Variants in FAM83B observed in about 807,000 individuals in gnomAD.
FAM83B encodes the protein scaffolding CK1 anchoring protein B.
In FAM83B, 26 loss-of-function variants were observed where a neutral mutation model predicts 38.8. The observed-to-expected ratio is 0.67, with a 90% CI of 0.49 to 0.93. The LOEUF (loss-of-function observed/expected upper bound fraction) is 0.93. Ranked by LOEUF, FAM83B falls within the 40% of genes least tolerant of loss-of-function variation. FAM83B has a pLI of 0.00. For missense variants in FAM83B, 1,237 were observed against 1,197.3 expected, an observed-to-expected ratio of 1.03 and a Z score of -0.49; for synonymous variants, 419 against 423.1, an observed-to-expected ratio of 0.99 and a Z score of 0.12.
At chr6:54,848,711 T>A (rs943124635) in intron 1 of FAM83B, among the ~76,000 whole-genome samples, 1 of 152,200 alleles carries the variant, frequency 6.6e-6, no homozygotes, top group African/African-American at 2.4e-5. Flanking sequence ...TTAATTACAT[T>A]ATACAATACT....
At chr6:54,883,126 A>G (rs560547463) in intron 2 of FAM83B, among the ~76,000 whole-genome samples, 2 of 151,842 alleles carry the variant, frequency 1.3e-5, no homozygotes, top group Admixed American at 6.6e-5. Flanking sequence ...TTGTATTTTT[A>G]GTAGAGACTG....
chr6:54,921,186 C>T (rs548653989), intron 2 of FAM83B, among the ~76,000 whole-genome samples: 17 of 151,868 alleles, frequency 1.1e-4, no homozygotes, highest in African/African-American at 4.1e-4. Flanking sequence ...TACTGTATTC[C>T]CCCCTTTACA....
chr6:54,880,719 A>C (rs1469847389), intron 2 of FAM83B, among the ~76,000 whole-genome samples: 4 of 152,292 alleles, frequency 2.6e-5, no homozygotes, highest in Admixed American at 2.6e-4. Context: ...CTGGGATTAA[A>C]GGTGTGAGCC....
At chr6:54,847,914 T>A (rs1484740694) in intron 1 of FAM83B, among the ~76,000 whole-genome samples, 2 of 152,070 alleles carry the variant, frequency 1.3e-5, no homozygotes, top group African/African-American at 2.4e-5. Flanking sequence ...ATGTCCAAAT[T>A]CCCAGTTACA....
At chr6:54,879,335 T>TC (rs1772071507) in intron 2 of FAM83B, among the ~76,000 whole-genome samples, 1 of 152,146 alleles carries the variant, frequency 6.6e-6, no homozygotes, top group African/African-American at 2.4e-5. Context: ...CATGACGGAT[T>TC]AGATGCTGTC....
intron 2 of FAM83B, among the ~76,000 whole-genome samples, chr6:54,895,243 T>C (rs1445670455): frequency 1.3e-5 from 2 of 152,198 alleles, no homozygotes; most frequent in African/African-American, 4.8e-5. Context: ...ATGATTACTA[T>C]TGAGTATGAA....
intron 1 of FAM83B, among the ~76,000 whole-genome samples, chr6:54,855,222 A>G (rs1771419775): frequency 6.6e-6 from 1 of 152,216 alleles, no homozygotes; most frequent in Non-Finnish European, 1.5e-5. Context: ...TTAGTAATTG[A>G]TGGATTAAAG....
In FAM83B at chr6:54,941,340, C is replaced by T; in HGVS notation, c.2369C>T (p.Ser790Phe). The T allele has an allele frequency of 1.2e-6, 2 of 1,612,796 alleles. No homozygotes were observed. The highest frequency in any genetic ancestry group is 1.7e-6 in the Non-Finnish European group (2 of 1,179,716). ...ACCCCAGATAAGAAAGAAAATCTAT[C>T]CAAAAATAAAGCACCTGCCTTTTAT... ...SLTPDKKENL[S>F]KNKAPAFYRL... is the part of the protein sequence containing the mutation. The change falls in exon 5 of 5, where the codon TCC becomes TTC. Residue 790 changes from serine (S) to phenylalanine (F), a missense_variant. Ser to Phe is a radical substitution (Grantham distance 155, BLOSUM62 -2). Transcript: ENST00000306858.
chr6:54,917,626 A>G (rs564210634), intron 2 of FAM83B, among the ~76,000 whole-genome samples: 1 of 152,234 alleles, frequency 6.6e-6, no homozygotes, highest in East Asian at 1.9e-4. Context: ...TCTTGGTTCA[A>G]ATTAATAATC....
intron 2 of FAM83B, among the ~76,000 whole-genome samples, chr6:54,891,691 C>T (rs1772406444): frequency 6.6e-6 from 1 of 152,140 alleles, no homozygotes; most frequent in African/African-American, 2.4e-5. Context: ...TTCTCATCCT[C>T]TCTCTCTGTT....
intron 2 of FAM83B, among the ~76,000 whole-genome samples, chr6:54,912,690 C>T (rs141249333): frequency 0.012 from 1,755 of 152,008 alleles, 15 homozygotes; most frequent in Middle Eastern, 0.024. Flanking sequence ...TAAAGTTGTT[C>T]AGTTTAGCCT....
chr6:54,910,144 A>G (rs543729489), intron 2 of FAM83B, among the ~76,000 whole-genome samples: 5 of 152,194 alleles, frequency 3.3e-5, no homozygotes, highest in Admixed American at 6.5e-5. Context: ...CCAGCTCACA[A>G]TGAGTTTCCA....
At position 54,940,692 on chromosome 6, in the gene FAM83B, G is replaced by T. The variant is rs757231973; in HGVS notation, c.1721G>T (p.Ser574Ile). 1 of 1,614,046 alleles carries T rather than the reference G, an allele frequency of 6.2e-7. No individual in the cohort carries two copies. Among genetic ancestry groups the T allele is most frequent in the Non-Finnish European group, 8.5e-7 (1 of 1,180,010 alleles). Residue 574 changes from serine to isoleucine, a missense_variant, in exon 5 of 5, where the codon AGT becomes ATT. Physicochemically the swap from Ser to Ile is moderately radical, Grantham distance 142 (BLOSUM62 -2). Transcript: ENST00000306858. ...SNSTIIGSQGSETPKEVPDTP... is the reference protein window; with the variant it reads ...SNSTIIGSQGIETPKEVPDTP... ...TCAACTATCATTGGTTCTCAGGGAA[G>T]TGAGACACCTAAAGAGGTCCCAGAC...
intron 2 of FAM83B, among the ~76,000 whole-genome samples, chr6:54,911,161 G>GTGTGTGT (rs1191687498): frequency 6.6e-6 from 1 of 151,486 alleles, no homozygotes; most frequent in Non-Finnish European, 1.5e-5. Context: ...GTGTGTGTGT[G>GTGTGTGT]TGTGTATGTG....
At chr6:54,900,764 A>G (rs541654307) in intron 2 of FAM83B, among the ~76,000 whole-genome samples, 5 of 152,320 alleles carry the variant, frequency 3.3e-5, no homozygotes, top group Admixed American at 2.0e-4. Flanking sequence ...GGTATGCCTC[A>G]AATAAGTTCC....
At chr6:54,851,714 C>G (rs549817292) in intron 1 of FAM83B, among the ~76,000 whole-genome samples, 1 of 133,948 alleles carries the variant, frequency 7.5e-6, no homozygotes, top group Admixed American at 7.6e-5. Flanking sequence ...GTGGCGAGAT[C>G]TGGGCTCACT....
upstream of FAM83B, among the ~76,000 whole-genome samples, chr6:54,846,344 C>A (rs960994624): frequency 1.3e-5 from 2 of 152,132 alleles, no homozygotes; most frequent in African/African-American, 4.8e-5. Context: ...CATTCTTGAG[C>A]CCAGGGAAAA....
chr6:54,932,000 C>T (rs528769126), intron 4 of FAM83B, among the ~76,000 whole-genome samples: 42 of 134,616 alleles, frequency 3.1e-4, no homozygotes, highest in Admixed American at 1.8e-3. Flanking sequence ...ACTGGAATTA[C>T]ATAAAACTTT....
chr6:54,852,151 T>C (rs914085081), intron 1 of FAM83B, among the ~76,000 whole-genome samples: 1 of 152,238 alleles, frequency 6.6e-6, no homozygotes, highest in African/African-American at 2.4e-5. Flanking sequence ...TCTAAAAATC[T>C]GTACAAGTAA....
Sources: allele counts gnomAD v4.1 joint callset (sites outside exome capture counted in the v4.1 genomes callset), GRCh38; gene constraint gnomAD v4.1.1; transcripts MANE v1.5; gene names NCBI Gene and HGNC (gene_info 2026-07-23, HGNC 2026-07-21).